The following ATIC variants were observed in gnomAD, a reference collection of about 807,000 sequenced individuals.
ATIC encodes the protein 5-aminoimidazole-4-carboxamide ribonucleotide formyltransferase/IMP cyclohydrolase.
A neutral mutation model predicts 72.5 loss-of-function variants in ATIC; 64 were observed. That is an observed-to-expected ratio of 0.88 (90% CI 0.72 to 1.09). ATIC has a LOEUF of 1.09. Ranked by LOEUF, ATIC falls within the 50% of genes least tolerant of loss-of-function variation. The pLI is 0.00. For missense variants in ATIC, 787 were observed against 732.4 expected, an observed-to-expected ratio of 1.07 and a Z score of -0.86; for synonymous variants, 281 against 267.1, an observed-to-expected ratio of 1.05 and a Z score of -0.51.
chr2:215,316,308 T>A (rs1308182379), intron 2 of ATIC, among the ~76,000 whole-genome samples: 1 of 152,204 alleles, frequency 6.6e-6, no homozygotes, highest in South Asian at 2.1e-4. Flanking sequence ...TTGAAAACAC[T>A]TATGTCACCA....
rs759971633 is a variant in ATIC, at chr2:215,325,368, G to C, written c.379+39G>C. ...ACCATTTTAGAAGACTGAGAGGAGA[G>C]GATTATTTAAATTTTAGTGAGATTT... On this transcript the variant is annotated intron_variant, in intron 5 of 15. Transcript: ENST00000236959. 2.1e-6 allele frequency: 3 copies of C among 1,462,696 alleles called. No individual in the cohort carries two copies. The South Asian group carries it at 3.5e-5, about 17-fold the overall frequency. 90.6% of individuals were successfully genotyped at this position (1,462,696 alleles called of 1,614,324 possible).
chr2:215,312,193 TCCTCGCCTGCGG>T, intron 1 of ATIC, 32 bp downstream of exon 1: 1 of 1,491,924 alleles, frequency 6.7e-7, no homozygotes, highest in Non-Finnish European at 8.9e-7. Flanking sequence ...GCGGTCTGCG[TCCTCGCCTGCGG>T]CCCCCCACGC....
chr2:215,312,958 A>G (rs1028552410), intron 2 of ATIC, among the ~76,000 whole-genome samples: 6 of 152,102 alleles, frequency 3.9e-5, no homozygotes, highest in African/African-American at 1.4e-4. Flanking sequence ...ATTAGCCGGT[A>G]TGGTGGCACA....
At chr2:215,323,137 G>A (rs1385860116) in intron 4 of ATIC, among the ~76,000 whole-genome samples, 2 of 152,114 alleles carry the variant, frequency 1.3e-5, no homozygotes, top group Admixed American at 1.3e-4. Flanking sequence ...AGTAGAGACA[G>A]GGTTTCACCG....
chr2:215,338,107 C>T (rs2052977014), intron 11 of ATIC, among the ~76,000 whole-genome samples: 3 of 152,098 alleles, frequency 2.0e-5, no homozygotes, highest in Admixed American at 2.0e-4. Flanking sequence ...CAAAGATCAT[C>T]CAAAGCATAA....
At chr2:215,313,372 T>G (rs2052676037) in intron 2 of ATIC, among the ~76,000 whole-genome samples, 1 of 152,170 alleles carries the variant, frequency 6.6e-6, no homozygotes, top group Admixed American at 6.6e-5. Flanking sequence ...CATTCCCACG[T>G]TCACAAGCCC....
At position 215,319,716 on chromosome 2, in the gene ATIC, A is replaced by G; in HGVS notation, c.275A>G (p.Asp92Gly). ...PEDNADMARL[D>G]FNLIRVVACN... is the part of the protein sequence containing the mutation. The stretch of plus-strand genomic sequence containing the variant: ...GATAATGCTGACATGGCCAGACTTG[A>G]TTTCAATCTTATAAGGTAAAAACCT... Residue 92 changes from aspartate (D) to glycine (G), a missense_variant, in exon 4 of 16, where the codon GAT becomes GGT. Coordinates refer to ENST00000236959, the MANE Select transcript of ATIC (RefSeq NM_004044.7). 1 of 1,610,686 alleles carries G rather than the reference A, an allele frequency of 6.2e-7. No homozygotes were observed. Among genetic ancestry groups the G allele is most frequent in the Non-Finnish European group, 8.5e-7 (1 of 1,176,944 alleles).
the ATIC span, among the ~76,000 whole-genome samples, chr2:215,365,966 ATTTTTTT>A: frequency 1.9e-4 from 17 of 90,354 alleles, no homozygotes; most frequent in South Asian, 7.4e-4. Flanking sequence ...CCACAGTGCT[ATTTTTTT>A]TTTTTTTTTT....
the ATIC span, chr2:215,364,824 G>A: frequency 8.4e-7 from 1 of 1,195,754 alleles, no homozygotes; most frequent in Non-Finnish European, 1.2e-6. Context: ...ATCCTTGCAG[G>A]AGCCCACCCT....
chr2:215,353,918 A>G (rs996573859), downstream of ATIC, among the ~76,000 whole-genome samples: 1 of 152,096 alleles, frequency 6.6e-6, no homozygotes, highest in African/African-American at 2.4e-5. Context: ...CTATGCTTAC[A>G]ATTCTGGGTT....
chr2:215,312,973 T>C (rs2052671006), intron 2 of ATIC, among the ~76,000 whole-genome samples: 1 of 152,166 alleles, frequency 6.6e-6, no homozygotes, highest in Non-Finnish European at 1.5e-5. Context: ...GGCACACGCC[T>C]GTAATCCCAG....
chr2:215,364,976 G>A, the ATIC span: 12 of 1,571,826 alleles, frequency 7.6e-6, no homozygotes, highest in South Asian at 3.5e-5. Context: ...ATCATAACAC[G>A]TTGCCTCATC....
chr2:215,347,176 T>C (rs1259090044), intron 14 of ATIC: 1 of 538,892 alleles, frequency 1.9e-6, no homozygotes, highest in Non-Finnish European at 3.3e-6. Flanking sequence ...TCTTTTTAAA[T>C]TGCAGCCTTG....
chr2:215,322,095 G>C (rs186621779), intron 4 of ATIC, among the ~76,000 whole-genome samples: 1 of 147,506 alleles, frequency 6.8e-6, no homozygotes, highest in Non-Finnish European at 1.5e-5. Flanking sequence ...TAGAGATAGG[G>C]TTTCACTATG....
At chr2:215,336,453 C>G (rs2052956132) in intron 11 of ATIC, among the ~76,000 whole-genome samples, 1 of 152,156 alleles carries the variant, frequency 6.6e-6, no homozygotes, top group African/African-American at 2.4e-5. Flanking sequence ...CGACTGCACT[C>G]CAGCCTTGGC....
chr2:215,358,922 G>A, the ATIC span, among the ~76,000 whole-genome samples: 1 of 152,106 alleles, frequency 6.6e-6, no homozygotes, highest in Non-Finnish European at 1.5e-5. Context: ...TCACTCTGTC[G>A]CCCATGCTGG....
intron 12 of ATIC, among the ~76,000 whole-genome samples, chr2:215,340,223 T>G (rs2053004878): frequency 6.6e-6 from 1 of 152,222 alleles, no homozygotes; most frequent in Admixed American, 6.5e-5. Context: ...GTTTTGGATA[T>G]ATTATCTCAT....
chr2:215,337,914 T>C lies in ATIC; in HGVS notation c.1099-865T>C, dbSNP rs551439032. ...GCATGATTATAAGCATGAGACAACT[T>C]ATCCCTCTACCTGACTAATGATAAG... is the stretch of plus-strand genomic sequence containing the variant. On this transcript the variant is annotated intron_variant, in intron 11 of 15. Transcript: ENST00000236959. 2.6e-5 allele frequency among the ~76,000 whole-genome samples: 4 copies of C among 152,348 alleles called. No homozygotes were observed. In the East Asian group the frequency reaches 7.7e-4, roughly 29 times the overall value.
At chr2:215,352,881 C>T (rs542354542), downstream of ATIC, among the ~76,000 whole-genome samples, 259 of 149,332 alleles carry the variant, frequency 1.7e-3, 2 homozygotes, top group African/African-American at 6.2e-3. Context: ...ATAGTTCCCA[C>T]GTGCTGGGCT....
Sources: gnomAD v4.1 joint callset for allele counts (sites outside exome capture counted in the v4.1 genomes callset) on GRCh38, gnomAD v4.1.1 for gene constraint, MANE v1.5 for transcripts, NCBI Gene and HGNC (gene_info 2026-07-23, HGNC 2026-07-21) for gene names.